Variants in KCNH7 observed in about 807,000 individuals in gnomAD.
KCNH7 encodes potassium voltage-gated channel subfamily H member 7.
KCNH7 carries 49 observed loss-of-function variants against 120.8 expected under a neutral mutation model. The observed-to-expected ratio is 0.41, with a 90% CI of 0.32 to 0.51. KCNH7 has a LOEUF of 0.51. Ranked by LOEUF, KCNH7 falls within the 20% of genes least tolerant of loss-of-function variation. The pLI is 0.38. For missense variants in KCNH7, 1,097 were observed against 1,446.6 expected, an observed-to-expected ratio of 0.76 and a Z score of 3.92; for synonymous variants, 547 against 516.1, an observed-to-expected ratio of 1.06 and a Z score of -0.81.
chr2:162,714,806 A>G (rs1687052213), intron 2 of KCNH7, among the ~76,000 whole-genome samples: 1 of 152,186 alleles, frequency 6.6e-6, no homozygotes, highest in African/African-American at 2.4e-5. Flanking sequence ...ATGAAACAAA[A>G]TATTATCCTT....
chr2:162,536,965 T>A lies in KCNH7; in HGVS notation c.423A>T (p.Pro141=). Residue 141 remains proline (P), a synonymous_variant, in exon 3 of 16, where the codon CCA becomes CCT. Coordinates refer to ENST00000332142, the MANE Select transcript of KCNH7 (RefSeq NM_033272.4). ...TTGGTAATATTGGGTTTACCCTCTC[T>A]GGGGTGGCAGCGTTTTCATTATCCG... The part of the protein sequence containing the change: ...YVTDNENAAT[P]ERVNPILPIK... The A allele has an allele frequency of 1.9e-6, 3 of 1,612,952 alleles. No homozygotes were observed. Among genetic ancestry groups the A allele is most frequent in the Non-Finnish European group, 2.5e-6 (3 of 1,179,214 alleles).
intron 7 of KCNH7, among the ~76,000 whole-genome samples, chr2:162,440,098 A>T (rs1203576441): frequency 6.6e-6 from 1 of 151,764 alleles, no homozygotes; most frequent in Non-Finnish European, 1.5e-5. Flanking sequence ...ATTTTGTTCA[A>T]AAATATTAAA....
At chr2:162,466,754 C>A (rs894629011) in intron 6 of KCNH7, among the ~76,000 whole-genome samples, 1 of 152,166 alleles carries the variant, frequency 6.6e-6, no homozygotes, top group African/African-American at 2.4e-5. Flanking sequence ...AAGTGACTGC[C>A]ACTCAGCTAA....
chr2:162,606,003 TA>T (rs1682749861), intron 2 of KCNH7, among the ~76,000 whole-genome samples: 1 of 152,084 alleles, frequency 6.6e-6, no homozygotes, highest in African/African-American at 2.4e-5. Flanking sequence ...GTTAGTATAT[TA>T]GGGGGATGTA....
At chr2:162,610,658 T>C (rs1182916596) in intron 2 of KCNH7, among the ~76,000 whole-genome samples, 2 of 152,204 alleles carry the variant, frequency 1.3e-5, no homozygotes, top group African/African-American at 4.8e-5. Flanking sequence ...ATAGGACTGA[T>C]GATTTAGCTA....
chr2:162,655,364 A>C (rs955755248), intron 2 of KCNH7, among the ~76,000 whole-genome samples: 6 of 152,226 alleles, frequency 3.9e-5, no homozygotes, highest in Non-Finnish European at 8.8e-5. Context: ...TAATATTTTT[A>C]AAGCATCGAG....
At chr2:162,586,439 G>A (rs1694023329) in intron 2 of KCNH7, among the ~76,000 whole-genome samples, 1 of 152,008 alleles carries the variant, frequency 6.6e-6, no homozygotes, top group African/African-American at 2.4e-5. Flanking sequence ...AAATCTATTA[G>A]TGGAGCCATC....
chr2:162,717,271 C>G lies in KCNH7; in HGVS notation c.307+119266G>C, dbSNP rs542197600. On this transcript the variant is annotated intron_variant, in intron 2 of 15. Transcript: ENST00000332142. Reference sequence around the variant, plus strand: ...CATGCATGTTATTTAATTGGCACATCTATGAGACATTACTACTGCTTTCCC... The same window carrying G: ...CATGCATGTTATTTAATTGGCACATGTATGAGACATTACTACTGCTTTCCC... 3.3e-5 allele frequency among the ~76,000 whole-genome samples: 5 copies of G among 152,212 alleles called. No individual in the cohort carries two copies. The South Asian group carries it at 1.0e-3, about 32-fold the overall frequency.
At position 162,489,529 on chromosome 2, in the gene KCNH7, C is replaced by T. The variant is rs141379663; in HGVS notation, c.1128+14914G>A. Among the ~76,000 whole-genome samples the T allele has an allele frequency of 7.6e-3, 1,163 of 152,162 alleles. 16 individuals carry two copies. Among genetic ancestry groups the T allele is most frequent in the African/African-American group, 0.026 (1,096 of 41,504 alleles). On this transcript the variant is annotated intron_variant, in intron 6 of 15. Transcript: ENST00000332142. The stretch of plus-strand genomic sequence containing the variant: ...TAGAATATATTTATTTGACCAGAGA[C>T]GACTAGAAAACATAATCTAAGATCT...
At chr2:162,536,057 C>T (rs746399855) in intron 3 of KCNH7, among the ~76,000 whole-genome samples, 9 of 151,568 alleles carry the variant, frequency 5.9e-5, no homozygotes, top group Admixed American at 1.3e-4. Context: ...ATACAAGTTC[C>T]GGGGAAAGGA....
At chr2:162,606,043 T>C (rs1399365164) in intron 2 of KCNH7, among the ~76,000 whole-genome samples, 3 of 152,110 alleles carry the variant, frequency 2.0e-5, no homozygotes, top group East Asian at 3.8e-4. Context: ...ACTCCAAATA[T>C]ACATATACAT....
rs574685205 is a variant in KCNH7 at position 162,558,186 on chromosome 2, T to C, written c.308-21106A>G. Among the ~76,000 whole-genome samples the C allele has an allele frequency of 1.1e-3, 172 of 152,200 alleles. 2 individuals are homozygous for C. The highest frequency in any genetic ancestry group is 1.8e-3 in the Non-Finnish European group (123 of 68,010). On this transcript the variant is annotated intron_variant, in intron 2 of 15. Transcript: ENST00000332142. ...GTGTCCTCAAGCCTCTTTTTTTTTT[T>C]TCTTTTTTTGAGACGGAGTCTCGCT...
rs114517661 is a variant in KCNH7 at position 162,475,349 on chromosome 2, G to A, written c.1129-28906C>T. On this transcript the variant is annotated intron_variant, in intron 6 of 15. Transcript: ENST00000332142. ...CAGTTGTCTCACAAAATATATTTTG[G>A]GTATTTCTAGAATAATTTTGGAAGA... Among the ~76,000 whole-genome samples, 1,264 of 152,160 alleles carry A rather than the reference G, an allele frequency of 8.3e-3. 22 individuals carry two copies. Among genetic ancestry groups the A allele is most frequent in the African/African-American group, 0.029 (1,207 of 41,486 alleles).
At chr2:162,690,385 G>GT (rs985660804) in intron 2 of KCNH7, among the ~76,000 whole-genome samples, 2 of 145,516 alleles carry the variant, frequency 1.4e-5, no homozygotes, top group Non-Finnish European at 3.0e-5. Context: ...TAAAATAAAA[G>GT]TTAAAAAAAA....
At chr2:162,512,513 T>C (rs992924155) in intron 5 of KCNH7, 141 bp downstream of exon 5, 1 of 610,084 alleles carries the variant, frequency 1.6e-6, no homozygotes, top group Non-Finnish European at 2.9e-6. Context: ...AATCAAGCCA[T>C]GATGTCTCCA....
chr2:162,633,087 A>G lies in KCNH7; in HGVS notation c.308-96007T>C, dbSNP rs184926638. Among the ~76,000 whole-genome samples, 30 of 152,036 alleles carry G rather than the reference A, an allele frequency of 2.0e-4. No individual in the cohort carries two copies. The East Asian group carries it at 3.9e-3, about 20-fold the overall frequency. ...TCAGATCAAAAAGAAATTAATATTA[A>G]TATTTACAATTCATAAAGCTATATA... On this transcript the variant is annotated intron_variant, in intron 2 of 15. Transcript: ENST00000332142.
intron 2 of KCNH7, among the ~76,000 whole-genome samples, chr2:162,675,623 G>T (rs1311620941): frequency 6.6e-6 from 1 of 151,380 alleles, no homozygotes; most frequent in African/African-American, 2.4e-5. Context: ...CAGGTACAAA[G>T]TAAGATGCAA....
At chr2:162,383,152 G>A (rs946813995) in intron 13 of KCNH7, among the ~76,000 whole-genome samples, 15 of 151,736 alleles carry the variant, frequency 9.9e-5, no homozygotes, top group Non-Finnish European at 1.5e-4. Flanking sequence ...TTAATAATTC[G>A]CCACTTGAGA....
At chr2:162,528,551 T>C (rs1243025286) in intron 3 of KCNH7, among the ~76,000 whole-genome samples, 2 of 151,938 alleles carry the variant, frequency 1.3e-5, no homozygotes, top group Non-Finnish European at 2.9e-5. Flanking sequence ...GAATGGTAGC[T>C]TCAAGGAACC....
Sources: allele counts gnomAD v4.1 joint callset (sites outside exome capture counted in the v4.1 genomes callset), GRCh38; gene constraint gnomAD v4.1.1; transcripts MANE v1.5; gene names NCBI Gene and HGNC (gene_info 2026-07-23, HGNC 2026-07-21).